The following SF1 variants were observed in gnomAD, a reference collection of about 807,000 sequenced individuals.
SF1 encodes branch point-binding protein.
In SF1, 7 loss-of-function variants were observed where a neutral mutation model predicts 62.5. That is an observed-to-expected ratio of 0.11 (90% CI 0.06 to 0.21). SF1 has a LOEUF of 0.21. Ranked by LOEUF, SF1 falls within the 10% of genes least tolerant of loss-of-function variation. SF1 has a pLI of 1.00. For missense variants in SF1, 578 were observed against 884.0 expected (o/e 0.65, Z 4.39); for synonymous variants, 394 against 323.6 (o/e 1.22, Z -2.33).
At chr11:64,767,340 C>A (rs1202413167) in intron 10 of SF1, 89 bp from the exon 11 acceptor site, 2 of 1,331,838 alleles carry the variant, frequency 1.5e-6, no homozygotes, top group Admixed American at 3.4e-5. Context: ...GCTATCCTTA[C>A]GCGAGTTCTG....
chr11:64,776,550 C>T lies in SF1; in HGVS notation c.108G>A (p.Met36Ile). The change falls in exon 2 of 13, where the codon ATG becomes ATA. Residue 36 changes from methionine (M) to isoleucine (I), a missense_variant. Met to Ile is a conservative substitution (Grantham distance 10, BLOSUM62 1). Transcript: ENST00000377390. ...TAAGTCCAGGGGGAATAACTGTAGG[C>T]ATTCCTGGAATCACTGTCTTCTGTT... ...TMEQKTVIPG[M>I]PTVIPPGLTR... 6.3e-7 allele frequency: 1 copy of T among 1,578,760 alleles called. No homozygotes were observed. Among genetic ancestry groups the T allele is most frequent in the Non-Finnish European group, 8.6e-7 (1 of 1,165,986 alleles).
Position 64,778,414 on chromosome 11 carries a change from C to T in SF1, c.-22G>A, listed in dbSNP as rs370744429. 7.8e-4 allele frequency: 962 copies of T among 1,226,336 alleles called. 10 individuals carry two copies. The African/African-American group carries it at 0.014, about 18-fold the overall frequency. 76.0% of individuals were successfully genotyped at this position (1,226,336 alleles called of 1,614,324 possible). On this transcript the variant is annotated 5_prime_UTR_variant, in exon 1 of 13. Transcript: ENST00000377390. ...CCATGGCGCCCCCGGGGACAGGCAC[C>T]GGCACCTGCTTTTCCTCTGCGGCGG...
At position 64,778,106 on chromosome 11, in the gene SF1, T is replaced by C. The variant is rs941693643; in HGVS notation, c.31+256A>G. The C allele has an allele frequency of 1.4e-4, 124 of 872,502 alleles. No individual in the cohort carries two copies. The highest frequency in any genetic ancestry group is 1.7e-4 in the Non-Finnish European group (122 of 722,312). The allele number at this position is 872,502 out of a possible 1,614,324, so 54.0% of individuals were successfully genotyped here. A position where few individuals can be genotyped will look rare whatever the true frequency, so the allele number is the denominator to read the frequency against. ...CGGAGGGGGCGGCTGCGGCGGCGGGTACGAGGCGCCGGGGGACGGTGGCGG... is the reference window on the plus strand; with the variant it reads ...CGGAGGGGGCGGCTGCGGCGGCGGGCACGAGGCGCCGGGGGACGGTGGCGG... On this transcript the variant is annotated intron_variant, in intron 1 of 12. Coordinates refer to ENST00000377390, the MANE Select transcript of SF1 (RefSeq NM_004630.4).
intron 2 of SF1, among the ~76,000 whole-genome samples, chr11:64,773,870 G>A (rs547578109): frequency 2.6e-5 from 4 of 152,240 alleles, no homozygotes; most frequent in South Asian, 2.1e-4. Flanking sequence ...ACCATGTTAC[G>A]TCACCAATAC....
rs781246849 is a variant in SF1 at position 64,778,419 on chromosome 11, C to G, written c.-27G>C. On this transcript the variant is annotated 5_prime_UTR_variant, in exon 1 of 13. Coordinates refer to ENST00000377390, the MANE Select transcript of SF1 (RefSeq NM_004630.4). ...GCGCCCCCGGGGACAGGCACCGGCA[C>G]CTGCTTTTCCTCTGCGGCGGCTTCT... 57 of 1,224,894 alleles carry G rather than the reference C, an allele frequency of 4.7e-5. No homozygotes were observed. In the African/African-American group the frequency reaches 7.7e-4, roughly 16 times the overall value. The allele number at this position is 1,224,894 out of a possible 1,614,324, so 75.9% of individuals were successfully genotyped here.
chr11:64,768,358 A>G lies in SF1; in HGVS notation c.888-72T>C, dbSNP rs554552649. 25 of 1,424,446 alleles carry G rather than the reference A, an allele frequency of 1.8e-5. No individual in the cohort carries two copies. In the East Asian group the frequency reaches 5.7e-4, roughly 33 times the overall value. The allele number at this position is 1,424,446 out of a possible 1,614,324, so 88.2% of individuals were successfully genotyped here. On this transcript the variant is annotated intron_variant, in intron 8 of 12. Transcript: ENST00000377390. ...TAAGAAGGAAGCTTTTATCCTGAGGAACCAACATATGGAAAGTTCTGAAGA... is the reference window on the plus strand; with the variant it reads ...TAAGAAGGAAGCTTTTATCCTGAGGGACCAACATATGGAAAGTTCTGAAGA...
In SF1 at chr11:64,778,381, T is replaced by C; in HGVS notation, c.12A>G (p.Gly4=). 1.6e-6 allele frequency: 2 copies of C among 1,227,966 alleles called. No homozygotes were observed. The highest frequency in any genetic ancestry group is 2.0e-6 in the Non-Finnish European group (2 of 984,590). 76.1% of individuals were successfully genotyped at this position (1,227,966 alleles called of 1,614,324 possible). The change falls in exon 1 of 13, where the codon GGA becomes GGG. Residue 4 remains glycine (G), a synonymous_variant. Transcript: ENST00000377390. MAT[G]ANATPLDFPS... is the part of the protein sequence containing the mutation. ...GCTTACCCAACGGCGTGGCGTTCGC[T>C]CCGGTCGCCATGGCGCCCCCGGGGA...
rs745515407 is a variant in SF1 at position 64,765,014 on chromosome 11, G to C, written c.*804C>G. 6.5e-6 allele frequency: 1 copy of C among 153,048 alleles called. No individual in the cohort carries two copies. Among genetic ancestry groups the C allele is most frequent in the African/African-American group, 2.4e-5 (1 of 41,484 alleles). The allele number at this position is 153,048 out of a possible 1,614,324, so 9.5% of individuals were successfully genotyped here. On this transcript the variant is annotated 3_prime_UTR_variant, in exon 13 of 13. Transcript: ENST00000377390. The stretch of plus-strand genomic sequence containing the variant: ...GATCGCCAGGACGGATGGGAATCCC[G>C]AAACCTGGAGATGAACCTACCCTCG...
Position 64,767,202 on chromosome 11 carries a change from A to G in SF1, c.1392T>C (p.His464=), listed in dbSNP as rs776879860. Residue 464 remains histidine, a synonymous_variant, in exon 11 of 13, where the codon CAT becomes CAC. Transcript: ENST00000377390. ...TPVGSGVYRL[H]QGKGMMPPPP... The stretch of plus-strand genomic sequence containing the variant: ...GCAGACAGCCATTACCTTTTCCTTG[A>G]TGCAGGCGATAGACCCCAGAGCCCA... 25 of 1,614,100 alleles carry G rather than the reference A, an allele frequency of 1.5e-5. No individual in the cohort carries two copies. The South Asian group carries it at 2.7e-4, about 18-fold the overall frequency.
intron 1 of SF1, chr11:64,777,383 G>A (rs1422708054): frequency 1.2e-5 from 6 of 490,754 alleles, no homozygotes; most frequent in African/African-American, 4.2e-5. Context: ...CAGGGCAGCC[G>A]ATCAGACTGA....
rs2058565513 is a variant in SF1, at chr11:64,765,308, G to GT, written c.*509dup. On this transcript the variant is annotated 3_prime_UTR_variant, in exon 13 of 13. Transcript: ENST00000377390. The stretch of plus-strand genomic sequence containing the variant: ...TCTGAAGAAAGGAAAAGATAAAGAA[G>GT]TAACAAAGGAAAAAGAAAAAAATTA... 1.5e-6 allele frequency: 1 copy of GT among 646,430 alleles called. No homozygotes were observed. The highest frequency in any genetic ancestry group is 2.8e-6 in the Non-Finnish European group (1 of 358,266). The allele number at this position is 646,430 out of a possible 1,614,324, so 40.0% of individuals were successfully genotyped here.
chr11:64,765,428 T>G lies in SF1; in HGVS notation c.*390A>C, dbSNP rs138240356. The G allele has an allele frequency of 2.6e-6, 4 of 1,557,984 alleles. No homozygotes were observed. The African/African-American group carries it at 4.1e-5, about 16-fold the overall frequency. ...CGAACCATCCTGTCCACCAGGGGCG[T>G]TGCTGAGGCTGTCTGCCTGGAAGGG... On this transcript the variant is annotated 3_prime_UTR_variant, in exon 13 of 13. Transcript: ENST00000377390.
At position 64,765,305 on chromosome 11, in the gene SF1, G is replaced by A. The variant is rs762740207; in HGVS notation, c.*513C>T. 3.1e-6 allele frequency: 2 copies of A among 642,178 alleles called. No individual in the cohort carries two copies. The highest frequency in any genetic ancestry group is 2.7e-5 in the East Asian group (1 of 36,842). 39.8% of individuals were successfully genotyped at this position (642,178 alleles called of 1,614,324 possible). On this transcript the variant is annotated 3_prime_UTR_variant, in exon 13 of 13. Coordinates refer to ENST00000377390, the MANE Select transcript of SF1 (RefSeq NM_004630.4). ...GAGTCTGAAGAAAGGAAAAGATAAA[G>A]AAGTAACAAAGGAAAAAGAAAAAAA...
Position 64,768,140 on chromosome 11 carries a change from C to A in SF1, c.1034G>T (p.Arg345Leu). ...TGGGTTGTTGGCGGGAGCAGCAGGA[C>A]GAGGTGCGCTGGCCAGGGGTGTGGT... Reference protein sequence around the residue: ...PATTPLASAPRPAAPANNPPP... With the variant: ...PATTPLASAPLPAAPANNPPP... The change falls in exon 9 of 13, where the codon CGT becomes CTT. Residue 345 changes from arginine to leucine, a missense_variant. By Grantham distance (102) the Arg-to-Leu change is moderately radical (BLOSUM62 -2). Coordinates refer to ENST00000377390, the MANE Select transcript of SF1 (RefSeq NM_004630.4). 1.2e-6 allele frequency: 2 copies of A among 1,612,690 alleles called. No individual in the cohort carries two copies. The highest frequency in any genetic ancestry group is 2.2e-5 in the East Asian group (1 of 44,806).
At chr11:64,776,743 C>T in intron 1 of SF1, 117 bp from the exon 2 acceptor site, 2 of 980,066 alleles carry the variant, frequency 2.0e-6, no homozygotes, top group South Asian at 3.2e-5. Context: ...AGAGCTTAAC[C>T]TAAAACTTAA....
intron 2 of SF1, among the ~76,000 whole-genome samples, chr11:64,775,662 G>A (rs764921733): frequency 1.3e-5 from 2 of 152,180 alleles, no homozygotes; most frequent in East Asian, 1.9e-4. Context: ...ATGTTTATTT[G>A]GTTAGTAGGA....
chr11:64,773,830 C>T (rs2135954533), intron 2 of SF1, among the ~76,000 whole-genome samples: 1 of 152,318 alleles, frequency 6.6e-6, no homozygotes, highest in South Asian at 2.1e-4. Flanking sequence ...CCCACCAAGG[C>T]TTGCTTACCA....
chr11:64,768,163 G>A lies in SF1; in HGVS notation c.1011C>T (p.Thr337=). 6.2e-7 allele frequency: 1 copy of A among 1,614,018 alleles called. No individual in the cohort carries two copies. The highest frequency in any genetic ancestry group is 1.1e-5 in the South Asian group (1 of 91,052). The change falls in exon 9 of 13, where the codon ACC becomes ACT. Residue 337 remains threonine (T), a synonymous_variant. Coordinates refer to ENST00000377390, the MANE Select transcript of SF1 (RefSeq NM_004630.4). The part of the protein sequence containing the change: ...ASVGSTSGPA[T]TPLASAPRPA... The stretch of plus-strand genomic sequence containing the variant: ...GACGAGGTGCGCTGGCCAGGGGTGT[G>A]GTGGCAGGCCCAGAGGTGGAGCCCA...
chr11:64,766,097 C>T lies in SF1; in HGVS notation c.1641G>A (p.Gln547=), dbSNP rs1363651171. 6.2e-7 allele frequency: 1 copy of T among 1,611,012 alleles called. No individual in the cohort carries two copies. The highest frequency in any genetic ancestry group is 8.5e-7 in the Non-Finnish European group (1 of 1,179,718). The change falls in exon 13 of 13, where the codon CAG becomes CAA. Residue 547 remains glutamine, a synonymous_variant. Transcript: ENST00000377390. ...CTGGAGAAGCTGCGGCAGCCGCCTG[C>T]TGCTGTTGCCATGGCGGGATGGACC... ...GTGSIPPWQQ[Q]QAAAAASPGA...
Sources: gnomAD v4.1 joint callset for allele counts (sites outside exome capture counted in the v4.1 genomes callset) on GRCh38, gnomAD v4.1.1 for gene constraint, MANE v1.5 for transcripts, NCBI Gene and HGNC (gene_info 2026-07-23, HGNC 2026-07-21) for gene names.